TRMT9B: variants seen among roughly 807,000 people sequenced by gnomAD.
TRMT9B encodes probable tRNA methyltransferase 9B.
A neutral mutation model predicts 11.5 loss-of-function variants in TRMT9B; 16 were observed. The ratio of observed to expected loss-of-function variants is 1.39; its 90% CI spans 0.94 to 2.11. TRMT9B has a LOEUF of 2.11. Among genes scored for constraint, TRMT9B ranks in the 30% most tolerant of loss-of-function variants. The pLI is 0.00. For synonymous variants in TRMT9B, 274 were observed against 192.4 expected, an observed-to-expected ratio of 1.42 and a Z score of -3.51; for missense variants, 941 against 553.8, an observed-to-expected ratio of 1.70 and a Z score of -7.02.
intron 3 of TRMT9B, chr8:13,010,546 G>T (rs1811397902): frequency 1.0e-6 from 1 of 984,742 alleles, no homozygotes; most frequent in Non-Finnish European, 1.2e-6. Context: ...AAACATGAAG[G>T]CCATTAGAAA....
At chr8:12,981,289 C>G (rs1039147659) in intron 1 of TRMT9B, among the ~76,000 whole-genome samples, 3 of 152,218 alleles carry the variant, frequency 2.0e-5, no homozygotes, top group Non-Finnish European at 4.4e-5. Context: ...CTCGTTGTCA[C>G]AGAGAAGTCA....
chr8:12,964,268 A>C (rs1290559624), intron 1 of TRMT9B, among the ~76,000 whole-genome samples: 1 of 152,234 alleles, frequency 6.6e-6, no homozygotes. Context: ...TACATCCTAC[A>C]GTTGATAACA....
chr8:13,003,967 T>C (rs538972079), intron 2 of TRMT9B, among the ~76,000 whole-genome samples: 54 of 151,880 alleles, frequency 3.6e-4, no homozygotes, highest in African/African-American at 1.3e-3. Context: ...AGCAGCCATG[T>C]GCATGCAGAG....
At chr8:12,953,207 T>A (rs1800861080) in intron 1 of TRMT9B, among the ~76,000 whole-genome samples, 1 of 142,988 alleles carries the variant, frequency 7.0e-6, no homozygotes, top group Non-Finnish European at 1.5e-5. Flanking sequence ...AGCTAAAATA[T>A]ATCTATATTG....
At chr8:13,013,081 G>A (rs1811959914) in intron 4 of TRMT9B, among the ~76,000 whole-genome samples, 1 of 152,156 alleles carries the variant, frequency 6.6e-6, no homozygotes, top group South Asian at 2.1e-4. Context: ...ACTTGGTATT[G>A]CAGTTTTTTT....
chr8:13,018,631 C>T (rs979275868), intron 4 of TRMT9B, among the ~76,000 whole-genome samples: 1 of 152,078 alleles, frequency 6.6e-6, no homozygotes, highest in Admixed American at 6.6e-5. Flanking sequence ...AATATAGAAT[C>T]CCAAGAGGCA....
chr8:13,021,239 G>C lies in TRMT9B; in HGVS notation c.560G>C (p.Gly187Ala). 6.2e-7 allele frequency: 1 copy of C among 1,613,942 alleles called. No individual in the cohort carries two copies. Among genetic ancestry groups the C allele is most frequent in the Non-Finnish European group, 8.5e-7 (1 of 1,179,870 alleles). The change falls in exon 5 of 5, where the codon GGC becomes GCC. Residue 187 changes from glycine to alanine, a missense_variant. By Grantham distance (60) the Gly-to-Ala change is moderately conservative. Transcript: ENST00000524591. ...AGGCAGTGTGGATACCCAGAAAGAG[G>C]CCATCCCTACCATCCTCCTTGCTCT... ...RKRQCGYPER[G>A]HPYHPPCSEC...
intron 1 of TRMT9B, among the ~76,000 whole-genome samples, chr8:12,973,799 G>T (rs115242783): frequency 4.9e-4 from 74 of 152,288 alleles, no homozygotes; most frequent in African/African-American, 1.6e-3. Flanking sequence ...CTTCATGAAT[G>T]AGAACAGCCT....
chr8:12,991,682 C>T (rs550569524), intron 2 of TRMT9B, among the ~76,000 whole-genome samples: 1 of 152,224 alleles, frequency 6.6e-6, no homozygotes, highest in South Asian at 2.1e-4. Flanking sequence ...CCTGTAATTC[C>T]AGCACTTTGG....
At chr8:12,998,169 T>C (rs1808719954) in intron 2 of TRMT9B, among the ~76,000 whole-genome samples, 1 of 152,246 alleles carries the variant, frequency 6.6e-6, no homozygotes, top group Admixed American at 6.5e-5. Flanking sequence ...GTACTACGAA[T>C]ACTTCTTCAC....
At chr8:12,995,179 T>TAG (rs1157108555) in intron 2 of TRMT9B, among the ~76,000 whole-genome samples, 1 of 152,220 alleles carries the variant, frequency 6.6e-6, no homozygotes, top group Non-Finnish European at 1.5e-5. Flanking sequence ...CTAGACTTTC[T>TAG]AGAGCAAGAA....
chr8:12,977,108 T>G, intron 1 of TRMT9B, among the ~76,000 whole-genome samples: 1 of 152,318 alleles, frequency 6.6e-6, no homozygotes, highest in African/African-American at 2.4e-5. Flanking sequence ...AAATGTCTAC[T>G]CTATTGAATC....
At chr8:12,954,580 A>G (rs1447999042) in intron 1 of TRMT9B, among the ~76,000 whole-genome samples, 1 of 152,176 alleles carries the variant, frequency 6.6e-6, no homozygotes, top group African/African-American at 2.4e-5. Context: ...TGTCTGTGCA[A>G]TCTTATGTTT....
chr8:12,996,959 TA>T (rs1808459821), intron 2 of TRMT9B, among the ~76,000 whole-genome samples: 1 of 43,004 alleles, frequency 2.3e-5, no homozygotes. Flanking sequence ...TATTTTATTT[TA>T]TTTTATTTTA....
At chr8:12,993,592 C>G (rs1807770444) in intron 2 of TRMT9B, among the ~76,000 whole-genome samples, 1 of 152,182 alleles carries the variant, frequency 6.6e-6, no homozygotes, top group African/African-American at 2.4e-5. Flanking sequence ...GCAGTACAAA[C>G]AGAAAGACAG....
At chr8:12,970,683 G>A (rs887118701) in intron 1 of TRMT9B, among the ~76,000 whole-genome samples, 15 of 152,168 alleles carry the variant, frequency 9.9e-5, no homozygotes, top group African/African-American at 3.6e-4. Context: ...ATCCAGCCAA[G>A]TTTAAAAAGT....
At chr8:12,984,386 G>A (rs1415139456) in intron 1 of TRMT9B, among the ~76,000 whole-genome samples, 5 of 152,120 alleles carry the variant, frequency 3.3e-5, no homozygotes, top group South Asian at 2.1e-4. Context: ...TCATCGTCAC[G>A]TTTCCCCTTA....
chr8:12,990,135 C>G (rs1807076681), intron 1 of TRMT9B, among the ~76,000 whole-genome samples: 1 of 152,138 alleles, frequency 6.6e-6, no homozygotes, highest in African/African-American at 2.4e-5. Context: ...GGTGAACACA[C>G]AAGTGATAAG....
Position 12,950,479 on chromosome 8 carries a change from T to A in TRMT9B, c.-200+4513T>A, listed in dbSNP as rs557362522. On this transcript the variant is annotated intron_variant, in intron 1 of 4. Transcript: ENST00000524591. Reference sequence around the variant, plus strand: ...CCAGTGAATGGAAGCAAGGATGAGCTGCTGCATTTCTGTAGCTGGCATTCA... The same window carrying A: ...CCAGTGAATGGAAGCAAGGATGAGCAGCTGCATTTCTGTAGCTGGCATTCA... 5.9e-5 allele frequency among the ~76,000 whole-genome samples: 9 copies of A among 151,872 alleles called. No individual in the cohort carries two copies. The South Asian group carries it at 1.9e-3, about 31-fold the overall frequency.
Sources: gnomAD v4.1 joint callset for allele counts (sites outside exome capture counted in the v4.1 genomes callset) on GRCh38, gnomAD v4.1.1 for gene constraint, MANE v1.5 for transcripts, NCBI Gene and HGNC (gene_info 2026-07-23, HGNC 2026-07-21) for gene names.